Variants in CLDN16 observed in about 807,000 individuals in gnomAD.
The protein encoded by CLDN16 is claudin-16.
Under a neutral mutation model 24.6 loss-of-function variants are expected in CLDN16, and 13 were observed. The ratio of observed to expected loss-of-function variants is 0.53; its 90% CI spans 0.34 to 0.84. CLDN16 has a LOEUF of 0.84. Among genes scored for constraint, CLDN16 ranks in the 40% least tolerant of loss-of-function variants. The pLI, the probability that CLDN16 is intolerant of heterozygous loss-of-function variation, is 0.01. For synonymous variants in CLDN16, 116 were observed against 106.7 expected (o/e 1.09, Z -0.54); for missense variants, 298 against 292.7 (o/e 1.02, Z -0.13).
chr3:190,322,622 G>A (rs921882755), exon 1 of CLDN16: 7 of 272,424 alleles, frequency 2.6e-5, no homozygotes, highest in Non-Finnish European at 5.0e-5. Context: ...CACCAGAGCT[G>A]CGTCCCTGCT....
intron 1 of CLDN16, among the ~76,000 whole-genome samples, chr3:190,364,578 T>A (rs1182932216): frequency 1.3e-5 from 2 of 151,950 alleles, no homozygotes; most frequent in African/African-American, 4.8e-5. Flanking sequence ...ATGGTATGAC[T>A]GGCCTTGCTT....
chr3:190,385,892 T>G (rs1284590947), upstream of CLDN16, among the ~76,000 whole-genome samples: 1 of 152,170 alleles, frequency 6.6e-6, no homozygotes, highest in Non-Finnish European at 1.5e-5. Flanking sequence ...AAAACACATG[T>G]AAAATATGAA....
chr3:190,341,313 A>G (rs1170976029), intron 1 of CLDN16, among the ~76,000 whole-genome samples: 1 of 152,200 alleles, frequency 6.6e-6, no homozygotes, highest in African/African-American at 2.4e-5. Flanking sequence ...AGGTGTTTCC[A>G]TACATCCTCT....
upstream of CLDN16, among the ~76,000 whole-genome samples, chr3:190,386,353 G>A (rs986445394): frequency 2.6e-5 from 4 of 152,040 alleles, no homozygotes; most frequent in South Asian, 4.2e-4. Flanking sequence ...TATAACGATC[G>A]CTAATGTGTA....
At chr3:190,402,280 G>A (rs1332858488) in intron 1 of CLDN16, 57 bp from the exon 2 acceptor site, 3 of 1,308,390 alleles carry the variant, frequency 2.3e-6, no homozygotes, top group African/African-American at 2.9e-5. Context: ...TTTGATCAAG[G>A]GGAACTGAAC....
chr3:190,381,653 T>C (rs1718375420), intron 3 of CLDN16, among the ~76,000 whole-genome samples: 1 of 152,050 alleles, frequency 6.6e-6, no homozygotes, highest in South Asian at 2.1e-4. Flanking sequence ...TCTATTTTAT[T>C]GTGTTAGGTA....
chr3:190,345,565 A>C (rs1455928872), intron 1 of CLDN16, among the ~76,000 whole-genome samples: 1 of 152,092 alleles, frequency 6.6e-6, no homozygotes, highest in Non-Finnish European at 1.5e-5. Context: ...TTTATTTTTT[A>C]CAGGCCTAGC....
chr3:190,318,725 C>G (rs369067150), upstream of CLDN16, among the ~76,000 whole-genome samples: 12 of 152,336 alleles, frequency 7.9e-5, no homozygotes, highest in South Asian at 2.1e-4. Flanking sequence ...AATGGCCCTT[C>G]GAGTACCCTC....
chr3:190,373,604 A>C (rs1718186284), intron 2 of CLDN16, among the ~76,000 whole-genome samples: 1 of 151,912 alleles, frequency 6.6e-6, no homozygotes, highest in Non-Finnish European at 1.5e-5. Flanking sequence ...GCATTTAACT[A>C]ATTTATATTG....
rs565474655 is a variant in CLDN16, at chr3:190,339,491, A to G, written n.121+16830A>G. ...ATCTGGCAGCAGTGTTGAGGAGACA[A>G]TGTATGAGAGGCAAGTCTAGTTGCA... On this transcript the variant is annotated intron_variant and non_coding_transcript_variant, in intron 1 of 4. Coordinates refer to the CLDN16 transcript ENST00000468220. Among the ~76,000 whole-genome samples, 60 of 152,330 alleles carry G rather than the reference A, an allele frequency of 3.9e-4. 1 individual carries two copies. Among genetic ancestry groups the G allele is most frequent in the African/African-American group, 1.4e-3 (59 of 41,576 alleles).
rs907905884 is a variant in CLDN16 at position 190,408,225 on chromosome 3, G to A, written c.383-89G>A. On this transcript the variant is annotated intron_variant, in intron 3 of 4. Coordinates refer to ENST00000264734, the MANE Select transcript of CLDN16 (RefSeq NM_006580.4). ...TACTGTTTTTACCTCTCTGAATCAC[G>A]CCAGCCATTTTGTGTAGTAAGCAGG... The A allele has an allele frequency of 5.4e-6, 7 of 1,285,946 alleles. No individual in the cohort carries two copies. The African/African-American group carries it at 7.3e-5, about 13-fold the overall frequency. The allele number at this position is 1,285,946 out of a possible 1,614,324, so 79.7% of individuals were successfully genotyped here. A position where few individuals can be genotyped will look rare whatever the true frequency, so the allele number is the denominator to read the frequency against.
upstream of CLDN16, among the ~76,000 whole-genome samples, chr3:190,387,242 T>C (rs1468002334): frequency 6.6e-6 from 1 of 152,232 alleles, no homozygotes; most frequent in Non-Finnish European, 1.5e-5. Context: ...GTATTGGTTA[T>C]GGAATTTGTA....
chr3:190,397,823 T>G (rs987652243), intron 1 of CLDN16, among the ~76,000 whole-genome samples: 2 of 152,226 alleles, frequency 1.3e-5, no homozygotes, highest in African/African-American at 4.8e-5. Context: ...TTTCTAAATA[T>G]GGTCATTGCA....
the CLDN16 span, among the ~76,000 whole-genome samples, chr3:190,309,884 T>C: frequency 3.9e-5 from 6 of 152,198 alleles, no homozygotes; most frequent in Non-Finnish European, 7.3e-5. Context: ...TTAACATCTT[T>C]ATTAATATTT....
intron 1 of CLDN16, among the ~76,000 whole-genome samples, chr3:190,352,048 G>A (rs1474399397): frequency 6.6e-6 from 1 of 151,514 alleles, no homozygotes; most frequent in Non-Finnish European, 1.5e-5. Flanking sequence ...AGAACACACA[G>A]GTAATTAATG....
At chr3:190,402,986 C>T (rs990215308) in intron 2 of CLDN16, among the ~76,000 whole-genome samples, 1 of 152,168 alleles carries the variant, frequency 6.6e-6, no homozygotes, top group Non-Finnish European at 1.5e-5. Flanking sequence ...CGCACTGTTA[C>T]AGGCAATATT....
At chr3:190,313,159 C>A in the CLDN16 span, 3 of 1,097,414 alleles carry the variant, frequency 2.7e-6, no homozygotes, top group African/African-American at 1.5e-5. Flanking sequence ...AATCTAGAGA[C>A]CCCAGTCATA....
upstream of CLDN16, chr3:190,388,049 C>A: frequency 7.0e-7 from 1 of 1,432,602 alleles, no homozygotes; most frequent in Non-Finnish European, 9.7e-7. Context: ...GAACTCCTCT[C>A]TCCCCCACCC....
the CLDN16 span, among the ~76,000 whole-genome samples, chr3:190,311,250 T>G: frequency 6.6e-6 from 1 of 152,236 alleles, no homozygotes; most frequent in Non-Finnish European, 1.5e-5. Flanking sequence ...AAGAATGCAA[T>G]GCATTTCATC....
Sources: gnomAD v4.1 joint callset for allele counts (sites outside exome capture counted in the v4.1 genomes callset) on GRCh38, gnomAD v4.1.1 for gene constraint, MANE v1.5 for transcripts, NCBI Gene and HGNC (gene_info 2026-07-23, HGNC 2026-07-21) for gene names.